Variants in KLHL4 observed in about 807,000 individuals in gnomAD.
KLHL4 encodes the protein kelch like family member 4, also known as kelch-like protein 4.
In KLHL4, 17 loss-of-function variants were observed where a neutral mutation model predicts 45.8. That is an observed-to-expected ratio of 0.37 (90% CI 0.25 to 0.56). The LOEUF (loss-of-function observed/expected upper bound fraction) is 0.56, where lower values mean the gene tolerates loss of function less well. KLHL4 is among the 20% of genes least tolerant of loss of function. KLHL4 has a pLI of 0.79. For missense variants in KLHL4, 544 were observed against 544.9 expected (o/e 1.00, Z 0.02); for synonymous variants, 224 against 189.9 (o/e 1.18, Z -1.47).
intron 1 of KLHL4, among the ~76,000 whole-genome samples, chrX:87,528,811 T>C (rs1427975286): frequency 9.3e-6 from 1 of 107,301 alleles, no homozygotes; most frequent in African/African-American, 3.4e-5. Context: ...TTTCCAAGTA[T>C]GGCATCTTAT....
At chrX:87,630,369 G>T (rs1569357290) in intron 6 of KLHL4, among the ~76,000 whole-genome samples, 3 of 109,165 alleles carry the variant, frequency 2.7e-5, no homozygotes, top group Non-Finnish European at 3.8e-5. Flanking sequence ...AGCAAATGAG[G>T]TTTTTTTTTA....
chrX:87,602,220 C>G (rs1404997327), intron 1 of KLHL4, among the ~76,000 whole-genome samples: 1 of 110,562 alleles, frequency 9.0e-6, no homozygotes, highest in Non-Finnish European at 1.9e-5. Flanking sequence ...CTTACTGTAA[C>G]TAAATAAGCT....
chrX:87,569,523 T>G (rs1932289118), intron 1 of KLHL4, among the ~76,000 whole-genome samples: 1 of 111,573 alleles, frequency 9.0e-6, no homozygotes, highest in African/African-American at 3.3e-5. Context: ...TACAGGAATA[T>G]TCACAGCAGC....
chrX:87,609,589 C>A (rs1255864531), intron 1 of KLHL4, among the ~76,000 whole-genome samples: 2 of 111,659 alleles, frequency 1.8e-5, no homozygotes, highest in Admixed American at 1.9e-4. Context: ...TATCCTTTGC[C>A]CACTTGTTGA....
At chrX:87,566,405 T>C (rs2147787661) in intron 1 of KLHL4, among the ~76,000 whole-genome samples, 1 of 111,408 alleles carries the variant, frequency 9.0e-6, no homozygotes, top group East Asian at 2.9e-4. Context: ...ATACCGTAAG[T>C]TGAAAATGCA....
intron 9 of KLHL4, among the ~76,000 whole-genome samples, chrX:87,640,581 T>A (rs1039281218): frequency 6.3e-5 from 7 of 111,862 alleles, no homozygotes; most frequent in Admixed American, 1.9e-4. Context: ...AATATTTTTT[T>A]AAAAAATCAC....
intron 9 of KLHL4, among the ~76,000 whole-genome samples, chrX:87,654,500 T>C (rs1206918145): frequency 9.0e-6 from 1 of 111,460 alleles, no homozygotes; most frequent in African/African-American, 3.3e-5. Flanking sequence ...TGTGTGTGTG[T>C]GTGTGTGTGT....
At chrX:87,592,061 G>C (rs1041311319) in intron 1 of KLHL4, among the ~76,000 whole-genome samples, 11 of 109,053 alleles carry the variant, frequency 1.0e-4, no homozygotes, top group Non-Finnish European at 1.9e-5. Flanking sequence ...ACCTTCATGA[G>C]ATCAACTGTT....
chrX:87,525,012 T>A (rs1268101816), intron 1 of KLHL4, among the ~76,000 whole-genome samples: 1 of 111,802 alleles, frequency 8.9e-6, no homozygotes, highest in Non-Finnish European at 1.9e-5. Context: ...TGAGTCAAAA[T>A]CAATGGGCTG....
chrX:87,536,484 A>AT (rs1231273668), intron 1 of KLHL4, among the ~76,000 whole-genome samples: 1 of 110,876 alleles, frequency 9.0e-6, no homozygotes, highest in Non-Finnish European at 1.9e-5. Context: ...ATTGTCATGT[A>AT]TTTTTTGCTT....
At chrX:87,642,621 C>G (rs1021866500) in intron 9 of KLHL4, among the ~76,000 whole-genome samples, 2 of 111,735 alleles carry the variant, frequency 1.8e-5, no homozygotes, top group Admixed American at 1.9e-4. Flanking sequence ...CAGAAAAAGG[C>G]GAAGCCCAAT....
intron 9 of KLHL4, among the ~76,000 whole-genome samples, chrX:87,654,048 A>G (rs952786460): frequency 9.0e-6 from 1 of 111,303 alleles, no homozygotes; most frequent in Admixed American, 9.6e-5. Flanking sequence ...TACCTAGGTG[A>G]TGGATTGATA....
chrX:87,661,201 G>T (rs911453969), intron 9 of KLHL4, among the ~76,000 whole-genome samples: 5 of 111,584 alleles, frequency 4.5e-5, no homozygotes, highest in African/African-American at 1.6e-4. Flanking sequence ...TATAGTTTGT[G>T]CTTTCTTGTT....
intron 1 of KLHL4, among the ~76,000 whole-genome samples, chrX:87,550,456 A>G (rs905070442): frequency 9.0e-6 from 1 of 111,562 alleles, no homozygotes; most frequent in South Asian, 3.7e-4. Context: ...AGTCATTTTG[A>G]CACTATTTCA....
intron 9 of KLHL4, among the ~76,000 whole-genome samples, chrX:87,640,688 C>T (rs1287884669): frequency 1.8e-5 from 2 of 111,264 alleles, no homozygotes; most frequent in Non-Finnish European, 3.8e-5. Context: ...AGGGGCTTAC[C>T]TTAAGGTAAT....
intron 1 of KLHL4, among the ~76,000 whole-genome samples, chrX:87,596,624 G>C (rs953365546): frequency 8.9e-6 from 1 of 111,920 alleles, no homozygotes; most frequent in East Asian, 2.8e-4. Context: ...AGAGTTGCAG[G>C]GGGTAGCTGA....
At chrX:87,542,976 A>G (rs1931595210) in intron 1 of KLHL4, among the ~76,000 whole-genome samples, 1 of 111,338 alleles carries the variant, frequency 9.0e-6, no homozygotes, top group African/African-American at 3.3e-5. Context: ...TGACTTGATC[A>G]TGGGGACAGT....
chrX:87,605,884 G>T (rs1269850861), intron 1 of KLHL4, among the ~76,000 whole-genome samples: 1 of 110,910 alleles, frequency 9.0e-6, no homozygotes, highest in Middle Eastern at 4.3e-3. Context: ...GGCCTTTATT[G>T]TACTGAGGTA....
intron 10 of KLHL4, 94 bp from the exon 11 acceptor site, chrX:87,666,381 A>C: frequency 2.3e-6 from 2 of 858,679 alleles, no homozygotes; most frequent in Non-Finnish European, 3.1e-6. Flanking sequence ...GACCAAATTA[A>C]GTAAGGACTT....
Sources: allele counts gnomAD v4.1 joint callset (sites outside exome capture counted in the v4.1 genomes callset), GRCh38; gene constraint gnomAD v4.1.1; transcripts MANE v1.5; gene names NCBI Gene and HGNC (gene_info 2026-07-23, HGNC 2026-07-21).